The following SND1 variants were observed in gnomAD, a reference collection of about 807,000 sequenced individuals.
SND1 encodes the protein staphylococcal nuclease and tudor domain containing 1.
SND1 carries 38 observed loss-of-function variants against 121.7 expected under a neutral mutation model. That is an observed-to-expected ratio of 0.31 (90% CI 0.24 to 0.41). The LOEUF (loss-of-function observed/expected upper bound fraction) is 0.41, where lower values mean the gene tolerates loss of function less well. SND1 is among the 10% of genes least tolerant of loss of function. The pLI is 1.00. For synonymous variants in SND1, 401 were observed against 447.4 expected (o/e 0.90, Z 1.31); for missense variants, 868 against 1,184.6 (o/e 0.73, Z 3.92).
chr7:127,924,170 T>C lies in SND1; in HGVS notation c.1528-5018T>C, dbSNP rs144837393. On this transcript the variant is annotated intron_variant, in intron 14 of 23. Coordinates refer to ENST00000354725, the MANE Select transcript of SND1 (RefSeq NM_014390.4). ...ATCCTGGGATGGGCAGTAGAGCATA[T>C]GCTTGCACCTCCAGGGAGGCCCATC... 4.2e-3 allele frequency among the ~76,000 whole-genome samples: 642 copies of C among 152,160 alleles called. 2 individuals carry two copies. Among genetic ancestry groups the C allele is most frequent in the Non-Finnish European group, 6.7e-3 (453 of 67,992 alleles).
intron 12 of SND1, among the ~76,000 whole-genome samples, chr7:127,875,901 T>TG (rs1230765820): frequency 6.6e-6 from 1 of 152,186 alleles, no homozygotes; most frequent in African/African-American, 2.4e-5. Flanking sequence ...CTCCAGCCTG[T>TG]GTGTGCCTCC....
intron 16 of SND1, among the ~76,000 whole-genome samples, chr7:128,043,465 T>C (rs1461679256): frequency 2.0e-5 from 3 of 151,744 alleles, no homozygotes; most frequent in Admixed American, 6.6e-5. Flanking sequence ...TCCCAGCTAC[T>C]TGGGAGGCTG....
intron 16 of SND1, among the ~76,000 whole-genome samples, chr7:128,005,574 G>A (rs1016949153): frequency 1.3e-5 from 2 of 152,220 alleles, no homozygotes; most frequent in African/African-American, 4.8e-5. Flanking sequence ...TTTGTCATGA[G>A]CTATCCATTT....
intron 9 of SND1, among the ~76,000 whole-genome samples, chr7:127,715,424 A>G (rs1287719501): frequency 1.3e-5 from 2 of 152,160 alleles, no homozygotes; most frequent in Admixed American, 6.5e-5. Context: ...CACCCAGGTC[A>G]TGAGCGTAGT....
chr7:127,882,607 A>G (rs1055085358), intron 12 of SND1, among the ~76,000 whole-genome samples: 3 of 151,990 alleles, frequency 2.0e-5, no homozygotes, highest in African/African-American at 7.3e-5. Context: ...CTGGGACTTC[A>G]ATTTAAAAAG....
chr7:127,700,686 G>A (rs761563242), intron 4 of SND1, among the ~76,000 whole-genome samples: 13 of 152,160 alleles, frequency 8.5e-5, no homozygotes, highest in Middle Eastern at 3.2e-3. Flanking sequence ...TAAGTAGTTG[G>A]GGGGTAACAT....
intron 10 of SND1, among the ~76,000 whole-genome samples, chr7:127,795,115 T>A (rs1018482798): frequency 6.6e-6 from 1 of 152,244 alleles, no homozygotes; most frequent in Non-Finnish European, 1.5e-5. Context: ...GATTCATGTT[T>A]CTAGTTGATC....
intron 10 of SND1, among the ~76,000 whole-genome samples, chr7:127,805,990 T>C (rs1349881052): frequency 6.6e-6 from 1 of 152,248 alleles, no homozygotes; most frequent in Non-Finnish European, 1.5e-5. Context: ...TCAGTCTGCA[T>C]GTTTCTTTGG....
intron 16 of SND1, chr7:127,997,657 T>A: frequency 2.0e-6 from 1 of 508,078 alleles, no homozygotes; most frequent in Non-Finnish European, 4.1e-6. Flanking sequence ...AAGTCTTATC[T>A]CAGTTTACAT....
At chr7:127,847,020 C>T (rs1799077009) in intron 12 of SND1, among the ~76,000 whole-genome samples, 1 of 152,030 alleles carries the variant, frequency 6.6e-6, no homozygotes, top group Admixed American at 6.6e-5. Context: ...GTAATCCCAG[C>T]ACTTTGGGAG....
intron 15 of SND1, among the ~76,000 whole-genome samples, chr7:127,987,517 C>T (rs936316477): frequency 1.3e-5 from 2 of 152,184 alleles, no homozygotes; most frequent in African/African-American, 4.8e-5. Flanking sequence ...TTTGTGTGGT[C>T]TCCTCTCTAC....
intron 16 of SND1, among the ~76,000 whole-genome samples, chr7:128,058,714 C>G (rs1248639987): frequency 6.6e-6 from 1 of 152,214 alleles, no homozygotes; most frequent in African/African-American, 2.4e-5. Flanking sequence ...CATTCTGACT[C>G]TAGTTCAGCG....
At chr7:127,920,841 T>C (rs1584667319) in intron 14 of SND1, among the ~76,000 whole-genome samples, 1 of 135,890 alleles carries the variant, frequency 7.4e-6, no homozygotes, top group East Asian at 2.2e-4. Context: ...GCACTTTCTG[T>C]GCCTAACTTA....
At chr7:127,766,002 G>A (rs1465021741) in intron 10 of SND1, among the ~76,000 whole-genome samples, 2 of 152,184 alleles carry the variant, frequency 1.3e-5, no homozygotes, top group Admixed American at 6.5e-5. Flanking sequence ...TCATGTGCTG[G>A]AAACTTAATT....
chr7:127,658,503 T>C (rs1268385146), intron 1 of SND1, among the ~76,000 whole-genome samples: 1 of 152,356 alleles, frequency 6.6e-6, no homozygotes, highest in East Asian at 1.9e-4. Flanking sequence ...TTATAAGAGC[T>C]AAATAGCATC....
intron 10 of SND1, among the ~76,000 whole-genome samples, chr7:127,803,465 A>C (rs2116568450): frequency 6.6e-6 from 1 of 152,306 alleles, no homozygotes; most frequent in Non-Finnish European, 1.5e-5. Flanking sequence ...ATTTGTTACT[A>C]TTAAAAAATT....
At chr7:127,736,315 A>C (rs1796775385) in intron 10 of SND1, among the ~76,000 whole-genome samples, 1 of 152,354 alleles carries the variant, frequency 6.6e-6, no homozygotes, top group East Asian at 1.9e-4. Flanking sequence ...ACAACTGTTA[A>C]TAATCGCAAG....
rs942647707 is a variant in SND1 at position 128,013,247 on chromosome 7, C to T, written c.1779+22191C>T. ...CTGGATCACTCTCCAGAGTGCTCCC[C>T]CTTTATATACCTCCACCTTCCCACT... is the stretch of plus-strand genomic sequence containing the variant. On this transcript the variant is annotated intron_variant, in intron 16 of 23. Coordinates refer to ENST00000354725, the MANE Select transcript of SND1 (RefSeq NM_014390.4). Among the ~76,000 whole-genome samples, 44 of 152,134 alleles carry T rather than the reference C, an allele frequency of 2.9e-4. 1 individual carries two copies. The highest frequency in any genetic ancestry group is 1.2e-4 in the Non-Finnish European group (8 of 68,012).
At chr7:127,653,178 A>T (rs1402263803) in intron 1 of SND1, among the ~76,000 whole-genome samples, 1 of 152,176 alleles carries the variant, frequency 6.6e-6, no homozygotes, top group Non-Finnish European at 1.5e-5. Context: ...AGCACTATAG[A>T]TTCTGCCTGA....
Sources: allele counts gnomAD v4.1 joint callset (sites outside exome capture counted in the v4.1 genomes callset), GRCh38; gene constraint gnomAD v4.1.1; transcripts MANE v1.5; gene names NCBI Gene and HGNC (gene_info 2026-07-23, HGNC 2026-07-21).